Variants in CAMTA1 observed in about 807,000 individuals in gnomAD.
CAMTA1 encodes calmodulin-binding transcription activator 1.
CAMTA1 carries 27 observed loss-of-function variants against 170.9 expected under a neutral mutation model. The ratio of observed to expected loss-of-function variants is 0.16; its 90% confidence interval spans 0.12 to 0.22. The LOEUF is 0.22. CAMTA1 is among the 10% of genes least tolerant of loss of function. The pLI, the probability that CAMTA1 is intolerant of heterozygous loss-of-function variation, is 1.00. For synonymous variants in CAMTA1, 833 were observed against 891.5 expected, an observed-to-expected ratio of 0.93 and a Z score of 1.17; for missense variants, 1,619 against 2,217.2, an observed-to-expected ratio of 0.73 and a Z score of 5.42.
chr1:7,353,784 G>A (rs1192345149), intron 5 of CAMTA1, among the ~76,000 whole-genome samples: 1 of 152,060 alleles, frequency 6.6e-6, no homozygotes, highest in African/African-American at 2.4e-5. Flanking sequence ...AGGTTCAGGG[G>A]TACATGTGCA....
chr1:7,311,446 T>C (rs1676718455), intron 5 of CAMTA1, among the ~76,000 whole-genome samples: 1 of 152,216 alleles, frequency 6.6e-6, no homozygotes, highest in South Asian at 2.1e-4. Context: ...TTCCATTTGG[T>C]TCTTTATATT....
intron 5 of CAMTA1, among the ~76,000 whole-genome samples, chr1:7,289,900 C>A (rs1672877920): frequency 6.6e-6 from 1 of 152,204 alleles, no homozygotes; most frequent in Non-Finnish European, 1.5e-5. Context: ...ACACCTTAAT[C>A]TTGACCAAGC....
At chr1:7,342,061 C>G (rs1211367016) in intron 5 of CAMTA1, among the ~76,000 whole-genome samples, 1 of 152,260 alleles carries the variant, frequency 6.6e-6, no homozygotes, top group Non-Finnish European at 1.5e-5. Context: ...GCCATTATCA[C>G]TGTATTTTAC....
At chr1:7,427,898 C>T (rs960724667) in intron 5 of CAMTA1, among the ~76,000 whole-genome samples, 1 of 152,152 alleles carries the variant, frequency 6.6e-6, no homozygotes, top group Admixed American at 6.5e-5. Context: ...CTCAGGGCCC[C>T]TTGCGACTCA....
In CAMTA1 at chr1:7,144,846, C is replaced by T. The variant is rs1004955784; in HGVS notation, c.302+53475C>T. 6.6e-6 allele frequency among the ~76,000 whole-genome samples: 1 copy of T among 152,102 alleles called. No homozygotes were observed. The highest frequency in any genetic ancestry group is 1.5e-5 in the Non-Finnish European group (1 of 68,026). ...GAATGTTCCCTATAATTTGAACAAC[C>T]CTAAGAATTCAACTTTAAGCTGGTC... On this transcript the variant is annotated intron_variant, in intron 4 of 22. Transcript: ENST00000303635. This position sits in a 1 kb window ranked among gnomAD's most constrained non-coding sequence, Gnocchi z 4.0.
chr1:7,337,510 G>A (rs554965637), intron 5 of CAMTA1, among the ~76,000 whole-genome samples: 7 of 1,156 alleles, frequency 6.1e-3, no homozygotes, highest in South Asian at 0.033. Flanking sequence ...AGTGTGGGCC[G>A]TGGGCTCATC....
In CAMTA1 at chr1:7,769,514, G is replaced by A. The variant is rs1411840728; in HGVS notation, c.*3023G>A. ...ACTTGCATGTAAAACTAGTCTAGATGTCTTCTTTTTTTGTAAGTTTTATTT... is the reference window on the plus strand; with the variant it reads ...ACTTGCATGTAAAACTAGTCTAGATATCTTCTTTTTTTGTAAGTTTTATTT... On this transcript the variant is annotated 3_prime_UTR_variant, in exon 23 of 23. Coordinates refer to ENST00000303635, the MANE Select transcript of CAMTA1 (RefSeq NM_015215.4). 1 of 152,766 alleles carries A rather than the reference G, an allele frequency of 6.5e-6. No individual in the cohort carries two copies. Among genetic ancestry groups the A allele is most frequent in the Non-Finnish European group, 1.5e-5 (1 of 68,044 alleles). 9.5% of individuals were successfully genotyped at this position (152,766 alleles called of 1,614,324 possible).
At chr1:7,558,872 T>C (rs1018559361) in intron 6 of CAMTA1, among the ~76,000 whole-genome samples, 1 of 152,254 alleles carries the variant, frequency 6.6e-6, no homozygotes, top group Non-Finnish European at 1.5e-5. Context: ...TATCTTAATT[T>C]AATTGGATTT....
intron 3 of CAMTA1, among the ~76,000 whole-genome samples, chr1:7,074,508 A>G (rs1639047741): frequency 6.6e-6 from 1 of 152,198 alleles, no homozygotes; most frequent in Admixed American, 6.5e-5. Flanking sequence ...TGCTTCCAAT[A>G]CTTTTATGAA....
chr1:7,247,068 G>A (rs1054866612), intron 4 of CAMTA1, among the ~76,000 whole-genome samples: 3 of 152,212 alleles, frequency 2.0e-5, no homozygotes, highest in Admixed American at 1.3e-4. Context: ...TGTGGTAAGG[G>A]CCTTCCCCAT....
chr1:7,392,018 T>C (rs1038890954), intron 5 of CAMTA1, among the ~76,000 whole-genome samples: 2 of 152,128 alleles, frequency 1.3e-5, no homozygotes, highest in Admixed American at 6.5e-5. Context: ...CTTGGGAAAA[T>C]ATATAGAGGT....
At chr1:7,089,477 C>G (rs527648408) in intron 3 of CAMTA1, among the ~76,000 whole-genome samples, 1 of 152,088 alleles carries the variant, frequency 6.6e-6, no homozygotes, top group East Asian at 1.9e-4. Context: ...CACACACACA[C>G]TCTCTCACTC....
At chr1:6,868,485 A>G (rs568367227) in intron 3 of CAMTA1, among the ~76,000 whole-genome samples, 9 of 151,836 alleles carry the variant, frequency 5.9e-5, no homozygotes, top group Middle Eastern at 3.4e-3. Context: ...CAGTTCTTCC[A>G]TGTATTTTGT....
chr1:6,839,571 A>T (rs1654827637), intron 3 of CAMTA1, among the ~76,000 whole-genome samples: 1 of 152,146 alleles, frequency 6.6e-6, no homozygotes, highest in Non-Finnish European at 1.5e-5. Context: ...ACAAAAGTAA[A>T]CAAGTAGGTG....
intron 4 of CAMTA1, among the ~76,000 whole-genome samples, chr1:7,095,835 G>C (rs1193051490): frequency 6.6e-6 from 1 of 152,268 alleles, no homozygotes; most frequent in Admixed American, 6.5e-5. Flanking sequence ...CCAGAGGGCA[G>C]GGAACCGGGC....
At chr1:7,184,040 T>C (rs1360916110) in intron 4 of CAMTA1, among the ~76,000 whole-genome samples, 1 of 152,212 alleles carries the variant, frequency 6.6e-6, no homozygotes, top group Non-Finnish European at 1.5e-5. Context: ...AATGGCGCAC[T>C]ATTCAGCCAT....
chr1:7,094,631 G>T (rs540544355), intron 4 of CAMTA1, among the ~76,000 whole-genome samples: 1 of 152,226 alleles, frequency 6.6e-6, no homozygotes, highest in South Asian at 2.1e-4. Context: ...TCCTTGCTCA[G>T]ATACTGCCCT....
intron 11 of CAMTA1, among the ~76,000 whole-genome samples, chr1:7,701,688 T>A (rs930634442): frequency 2.6e-5 from 4 of 152,118 alleles, no homozygotes; most frequent in African/African-American, 9.7e-5. Context: ...CTAAAAGTAC[T>A]GGGATTACAG....
intron 3 of CAMTA1, among the ~76,000 whole-genome samples, chr1:6,846,088 C>A (rs1658004365): frequency 6.6e-6 from 1 of 152,174 alleles, no homozygotes; most frequent in Non-Finnish European, 1.5e-5. Flanking sequence ...CCCCATGATT[C>A]AATTATCTCC....
Sources: allele counts gnomAD v4.1 joint callset (sites outside exome capture counted in the v4.1 genomes callset), GRCh38; gene constraint gnomAD v4.1.1; non-coding constraint Gnocchi (gnomAD v3.1); transcripts MANE v1.5; gene names NCBI Gene and HGNC (gene_info 2026-07-23, HGNC 2026-07-21).